The following NUP188 variants were observed in gnomAD, a reference collection of about 807,000 sequenced individuals.
NUP188 encodes the protein nucleoporin NUP188.
A neutral mutation model predicts 223.0 loss-of-function variants in NUP188; 97 were observed. That is an observed-to-expected ratio of 0.43 (90% confidence interval 0.37 to 0.51). NUP188 has a LOEUF of 0.51. Ranked by LOEUF, NUP188 falls within the 20% of genes least tolerant of loss-of-function variation. NUP188 has a pLI of 0.00. For synonymous variants in NUP188, 869 were observed against 828.0 expected, an observed-to-expected ratio of 1.05 and a Z score of -0.85; for missense variants, 1,947 against 2,175.6, an observed-to-expected ratio of 0.89 and a Z score of 2.09.
chr9:128,973,242 A>G lies in NUP188; in HGVS notation c.1196A>G (p.Asn399Ser). Residue 399 changes from asparagine to serine, a missense_variant, in exon 12 of 44, where the codon AAT becomes AGT. By Grantham distance (46) the Asn-to-Ser change is conservative. This residue lies in a region of NUP188 where 817 missense variants were observed against 865.8 expected (regional missense o/e 0.94). Coordinates refer to ENST00000372577, the MANE Select transcript of NUP188 (RefSeq NM_015354.3). The part of the protein sequence containing the change: ...LTSLELHTLG[N>S]QQDIIDTACE... ...TCGTTGGAGCTGCACACCCTGGGCAATCAGCAGGTCAGTGTCTGGCTTTCA... is the reference window on the plus strand; with the variant it reads ...TCGTTGGAGCTGCACACCCTGGGCAGTCAGCAGGTCAGTGTCTGGCTTTCA... 6.2e-7 allele frequency: 1 copy of G among 1,612,772 alleles called. No homozygotes were observed. Among genetic ancestry groups the G allele is most frequent in the Non-Finnish European group, 8.5e-7 (1 of 1,179,666 alleles).
intron 1 of NUP188, chr9:128,948,777 G>T (rs888090840): frequency 7.7e-6 from 1 of 130,652 alleles, no homozygotes; most frequent in Non-Finnish European, 1.5e-5. Flanking sequence ...CCAGGCTGGA[G>T]TGCAATGGCA....
intron 8 of NUP188, among the ~76,000 whole-genome samples, chr9:128,966,260 C>CTGTGTGTG (rs10616823): frequency 1.4e-5 from 2 of 139,554 alleles, no homozygotes; most frequent in African/African-American, 2.7e-5. Context: ...GTCTCTGTGT[C>CTGTGTGTG]TGTGTGTGTG....
At position 128,999,777 on chromosome 9, in the gene NUP188, G is replaced by C; in HGVS notation, c.3815G>C (p.Arg1272Pro). The C allele has an allele frequency of 6.2e-7, 1 of 1,614,188 alleles. No individual in the cohort carries two copies. The highest frequency in any genetic ancestry group is 2.2e-5 in the East Asian group (1 of 44,874). Residue 1272 changes from arginine (R) to proline (P), a missense_variant, in exon 34 of 44, where the codon CGG becomes CCG. Physicochemically the swap from Arg to Pro is moderately radical, Grantham distance 103. This residue lies in a region of NUP188 where 905 missense variants were observed against 990.6 expected (regional missense o/e 0.91). Transcript: ENST00000372577. ...AGCATGGAGACTGACGACTGTTCTC[G>C]GTCCCGGCACAGGGACCAGCGTGAT... ...KDSMETDDCS[R>P]SRHRDQRDGV...
chr9:128,955,187 A>C (rs1841852161), intron 3 of NUP188, among the ~76,000 whole-genome samples: 1 of 152,140 alleles, frequency 6.6e-6, no homozygotes, highest in East Asian at 1.9e-4. Flanking sequence ...CAGAGAGTAC[A>C]TGCTGTCCAC....
At position 128,986,890 on chromosome 9, in the gene NUP188, A is replaced by G; in HGVS notation, c.2264+15A>G. 1 of 1,612,022 alleles carries G rather than the reference A, an allele frequency of 6.2e-7. No individual in the cohort carries two copies. The highest frequency in any genetic ancestry group is 1.1e-5 in the South Asian group (1 of 91,012). ...CTGCACAGCAGGTAATGAAGGGTTG[A>G]TTACTAGAGCTTGGTGCTCGCCAAG... is the stretch of plus-strand genomic sequence containing the variant. On this transcript the variant is annotated intron_variant, in intron 22 of 43. Transcript: ENST00000372577.
In NUP188 at chr9:128,990,265, G is replaced by A. The variant is rs757766087; in HGVS notation, c.2640+39G>A. ...TCATGCACACACACTGTTTATATGA[G>A]GGTGTTTTTTTCCCCCTGATTACAA... is the stretch of plus-strand genomic sequence containing the variant. On this transcript the variant is annotated intron_variant, in intron 25 of 43. Coordinates refer to ENST00000372577, the MANE Select transcript of NUP188 (RefSeq NM_015354.3). 4 of 1,512,708 alleles carry A rather than the reference G, an allele frequency of 2.6e-6. No homozygotes were observed. The Admixed American group carries it at 5.0e-5, about 19-fold the overall frequency. The allele number at this position is 1,512,708 out of a possible 1,614,324, so 93.7% of individuals were successfully genotyped here. A position where few individuals can be genotyped will look rare whatever the true frequency, so the allele number is the denominator to read the frequency against.
In NUP188 at chr9:128,995,593, C is replaced by T. The variant is rs886341568; in HGVS notation, c.3351+79C>T. ...GACATGAGCCTAGCAGATACAGCTC[C>T]TTGTGCGGAAGAATTAATCAGGGTT... On this transcript the variant is annotated intron_variant, in intron 30 of 43. Coordinates refer to ENST00000372577, the MANE Select transcript of NUP188 (RefSeq NM_015354.3). 6 of 1,223,760 alleles carry T rather than the reference C, an allele frequency of 4.9e-6. No individual in the cohort carries two copies. In the African/African-American group the frequency reaches 6.1e-5, roughly 12 times the overall value. 75.8% of individuals were successfully genotyped at this position (1,223,760 alleles called of 1,614,324 possible). A position where few individuals can be genotyped will look rare whatever the true frequency, so the allele number is the denominator to read the frequency against.
intron 38 of NUP188, chr9:129,004,572 T>G (rs1423706526): frequency 6.5e-6 from 1 of 153,262 alleles, no homozygotes; most frequent in Non-Finnish European, 1.5e-5. Flanking sequence ...TGGTGCCATC[T>G]CGGCTCACTG....
chr9:128,957,560 G>T (rs575221951), intron 5 of NUP188, among the ~76,000 whole-genome samples: 3 of 152,116 alleles, frequency 2.0e-5, no homozygotes, highest in African/African-American at 7.2e-5. Context: ...TGTCTCCCGG[G>T]TTCACGCCAT....
intron 2 of NUP188, among the ~76,000 whole-genome samples, chr9:128,951,721 ACT>A (rs1324177992): frequency 6.6e-6 from 1 of 152,082 alleles, no homozygotes. Flanking sequence ...AATGATTTCA[ACT>A]CTGGGGAAAA....
chr9:128,948,410 A>C (rs908364764), intron 1 of NUP188: 2 of 152,220 alleles, frequency 1.3e-5, no homozygotes, highest in African/African-American at 2.4e-5. Flanking sequence ...ATTCTGACAA[A>C]GTGCTTTCTA....
chr9:128,952,607 C>T (rs1841807420), intron 2 of NUP188, among the ~76,000 whole-genome samples, 166 bp from the exon 3 acceptor site: 1 of 151,558 alleles, frequency 6.6e-6, no homozygotes, highest in African/African-American at 2.4e-5. Flanking sequence ...CCTGTAATTC[C>T]AGCTACTCGG....
intron 36 of NUP188, 46 bp from the exon 37 acceptor site, chr9:129,002,771 T>C: frequency 6.3e-7 from 1 of 1,593,040 alleles, no homozygotes; most frequent in Non-Finnish European, 8.6e-7. Context: ...AAGGAGGTCC[T>C]GCCTCTCAGC....
At chr9:128,987,443 G>A in intron 22 of NUP188, 146 bp from the exon 23 acceptor site, 1 of 632,764 alleles carries the variant, frequency 1.6e-6, no homozygotes, top group Non-Finnish European at 2.6e-6. Flanking sequence ...TTTCAGGAAA[G>A]TGATCAGAGT....
chr9:128,956,545 G>A (rs545948575), intron 4 of NUP188, 111 bp downstream of exon 4: 58 of 594,988 alleles, frequency 9.7e-5, no homozygotes, highest in Non-Finnish European at 1.6e-4. Context: ...GGATTAAATT[G>A]TTTTATAAAT....
chr9:128,983,017 G>A lies in NUP188; in HGVS notation c.1785G>A (p.Met595Ile), dbSNP rs149817975. The A allele has an allele frequency of 6.2e-7, 1 of 1,613,932 alleles. No homozygotes were observed. The highest frequency in any genetic ancestry group is 1.3e-5 in the African/African-American group (1 of 74,910). ...CLLPITSRIY[M>I]LLQRLTTVIS... The stretch of plus-strand genomic sequence containing the variant: ...TGCCCATCACATCTCGCATCTACAT[G>A]CTGCTGCAGCGGTGAGTCTGTCTTG... The change falls in exon 17 of 44, where the codon ATG becomes ATA. Residue 595 changes from methionine (M) to isoleucine (I), a missense_variant. By Grantham distance (10) the Met-to-Ile change is conservative. This residue lies in a region of NUP188 where 817 missense variants were observed against 865.8 expected (regional missense o/e 0.94). Transcript: ENST00000372577.
chr9:128,966,186 T>C (rs1241212200), intron 8 of NUP188, among the ~76,000 whole-genome samples: 7 of 145,484 alleles, frequency 4.8e-5, no homozygotes, highest in Non-Finnish European at 1.5e-5. Context: ...CCCAGCCTTG[T>C]TCTTTAGTTT....
Position 129,001,710 on chromosome 9 carries a change from C to T in NUP188, c.4025C>T (p.Thr1342Ile), listed in dbSNP as rs772671762. 1.9e-6 allele frequency: 3 copies of T among 1,613,730 alleles called. No individual in the cohort carries two copies. The highest frequency in any genetic ancestry group is 1.7e-6 in the Non-Finnish European group (2 of 1,179,938). Reference sequence around the variant, plus strand: ...GAGGCCACATTGCATCTGCTCCTCACCCTGGCTCGCACTCAGCAGGTAGGA... The same window carrying T: ...GAGGCCACATTGCATCTGCTCCTCATCCTGGCTCGCACTCAGCAGGTAGGA... ...FTEATLHLLL[T>I]LARTQQGATA... Residue 1342 changes from threonine (T) to isoleucine (I), a missense_variant, in exon 35 of 44, where the codon ACC becomes ATC. Transcript: ENST00000372577.
At chr9:128,985,256 GA>G (rs2131169401) in intron 20 of NUP188, 1 of 394,992 alleles carries the variant, frequency 2.5e-6, no homozygotes, top group African/African-American at 2.1e-5. Flanking sequence ...TTATGAAGTA[GA>G]ATGGAAGAGG....
Sources: allele counts gnomAD v4.1 joint callset (sites outside exome capture counted in the v4.1 genomes callset), GRCh38; gene constraint gnomAD v4.1.1; regional missense constraint gnomAD v4.1.1; transcripts MANE v1.5; gene names NCBI Gene and HGNC (gene_info 2026-07-23, HGNC 2026-07-21).